The following SLC25A21 variants were observed in gnomAD, a reference collection of about 807,000 sequenced individuals.
SLC25A21 encodes mitochondrial 2-oxodicarboxylate carrier.
In SLC25A21, 47 loss-of-function variants were observed where a neutral mutation model predicts 43.8. That is an observed-to-expected ratio of 1.07 (90% CI 0.85 to 1.37). The LOEUF (loss-of-function observed/expected upper bound fraction) is 1.37. SLC25A21 is among the 40% of genes most tolerant of loss of function. SLC25A21 has a pLI of 0.00. For synonymous variants in SLC25A21, 131 were observed against 121.3 expected (o/e 1.08, Z -0.52); for missense variants, 352 against 350.2 (o/e 1.00, Z -0.04).
intron 3 of SLC25A21, among the ~76,000 whole-genome samples, chr14:36,812,754 G>T (rs1467767497): frequency 1.3e-5 from 2 of 152,084 alleles, no homozygotes; most frequent in Non-Finnish European, 2.9e-5. Flanking sequence ...GGCAAGACAG[G>T]TAGTGATCTA....
intron 1 of SLC25A21, among the ~76,000 whole-genome samples, chr14:36,875,468 A>C (rs545120180): frequency 6.6e-6 from 1 of 152,264 alleles, no homozygotes; most frequent in African/African-American, 2.4e-5. Flanking sequence ...AAAGAAAATG[A>C]TGCCTCTTCT....
chr14:36,810,883 A>AAGAG (rs1485604099), intron 3 of SLC25A21, among the ~76,000 whole-genome samples: 1 of 94,150 alleles, frequency 1.1e-5, no homozygotes, highest in African/African-American at 3.3e-5. Context: ...AGAGAAAGAA[A>AAGAG]AGAGTGGGGG....
At chr14:36,841,555 C>G (rs959889200) in intron 2 of SLC25A21, among the ~76,000 whole-genome samples, 4 of 152,160 alleles carry the variant, frequency 2.6e-5, no homozygotes, top group Admixed American at 6.5e-5. Flanking sequence ...TTGACATTTC[C>G]TCTCCACTTT....
At chr14:36,907,948 T>G (rs1397953294) in intron 1 of SLC25A21, among the ~76,000 whole-genome samples, 1 of 152,176 alleles carries the variant, frequency 6.6e-6, no homozygotes, top group Non-Finnish European at 1.5e-5. Flanking sequence ...CACTTTGTAA[T>G]TGCACAGGAC....
rs1408465551 is a variant in SLC25A21, at chr14:37,098,805, A to T, written c.70+73476T>A. Among the ~76,000 whole-genome samples the T allele has an allele frequency of 3.2e-4, 41 of 129,544 alleles. 2 individuals carry two copies. The highest frequency in any genetic ancestry group is 2.5e-3 in the Admixed American group (34 of 13,840). The allele number at this position is 129,544 out of a possible 152,430, so 85.0% of individuals were successfully genotyped here. On this transcript the variant is annotated intron_variant, in intron 1 of 9. Transcript: ENST00000331299. ...GACAGACAGATAGATAGATAGATAG[A>T]TTTTTTTTTTTTTTTGAGACAAAGT...
At chr14:37,060,012 T>A (rs1428977604) in intron 1 of SLC25A21, among the ~76,000 whole-genome samples, 1 of 152,038 alleles carries the variant, frequency 6.6e-6, no homozygotes, top group African/African-American at 2.4e-5. Context: ...ATAAGAGAAA[T>A]ATTTCATTTC....
In SLC25A21 at chr14:37,149,038, T is replaced by C. The variant is rs549763505; in HGVS notation, c.70+23243A>G. Among the ~76,000 whole-genome samples, 130 of 152,300 alleles carry C rather than the reference T, an allele frequency of 8.5e-4. 1 individual carries two copies. Among genetic ancestry groups the C allele is most frequent in the Non-Finnish European group, 1.5e-3 (101 of 68,026 alleles). ...TCCCCACTTTGGCCTCCCTAAATGC[T>C]GGAATTACAGGCGTGAGCTATCTGT... is the stretch of plus-strand genomic sequence containing the variant. On this transcript the variant is annotated intron_variant, in intron 1 of 9. Transcript: ENST00000331299.
chr14:37,044,303 T>C (rs957564797), intron 1 of SLC25A21, among the ~76,000 whole-genome samples: 5 of 152,158 alleles, frequency 3.3e-5, no homozygotes, highest in Non-Finnish European at 5.9e-5. Context: ...CTTATAATCT[T>C]AGGTTACCAA....
intron 1 of SLC25A21, among the ~76,000 whole-genome samples, chr14:36,915,028 T>C (rs1375042168): frequency 6.6e-6 from 1 of 151,738 alleles, no homozygotes; most frequent in Non-Finnish European, 1.5e-5. Context: ...AACTTACTAT[T>C]TTTTTTTACC....
intron 1 of SLC25A21, among the ~76,000 whole-genome samples, chr14:36,889,887 T>A (rs1375653224): frequency 6.6e-6 from 1 of 152,184 alleles, no homozygotes; most frequent in East Asian, 1.9e-4. Flanking sequence ...AACAAGCACC[T>A]TGGGATGCTT....
chr14:36,953,942 G>A (rs1470596707), intron 1 of SLC25A21, among the ~76,000 whole-genome samples: 2 of 152,118 alleles, frequency 1.3e-5, no homozygotes, highest in Non-Finnish European at 2.9e-5. Flanking sequence ...CTGCCTACTG[G>A]ACATCTTCAC....
At chr14:37,133,664 C>A (rs1238721841) in intron 1 of SLC25A21, among the ~76,000 whole-genome samples, 2 of 151,950 alleles carry the variant, frequency 1.3e-5, no homozygotes, top group Admixed American at 6.6e-5. Context: ...CCTAACCCAC[C>A]TCTATAACTC....
intron 3 of SLC25A21, among the ~76,000 whole-genome samples, chr14:36,755,504 G>A (rs954858776): frequency 6.6e-6 from 1 of 151,998 alleles, no homozygotes; most frequent in Non-Finnish European, 1.5e-5. Flanking sequence ...ACTCCCATGG[G>A]GCATGGCAAT....
intron 1 of SLC25A21, among the ~76,000 whole-genome samples, chr14:37,122,754 C>T (rs1963231575): frequency 6.6e-6 from 1 of 152,192 alleles, no homozygotes; most frequent in South Asian, 2.1e-4. Flanking sequence ...TCCTCCTTCC[C>T]TCTTCCATGA....
At chr14:36,806,114 CAGG>C (rs1468396970) in intron 3 of SLC25A21, among the ~76,000 whole-genome samples, 2 of 96,006 alleles carry the variant, frequency 2.1e-5, no homozygotes, top group Non-Finnish European at 3.8e-5. Flanking sequence ...TACTCTGAGG[CAGG>C]AGAATTGCTT....
intron 2 of SLC25A21, 64 bp downstream of exon 2, chr14:36,874,892 C>G: frequency 7.1e-7 from 1 of 1,399,026 alleles, no homozygotes; most frequent in Non-Finnish European, 1.0e-6. Flanking sequence ...GCATTTAGTG[C>G]TCTGACAGAT....
chr14:37,031,506 C>A (rs1056923375), intron 1 of SLC25A21, among the ~76,000 whole-genome samples: 1 of 152,158 alleles, frequency 6.6e-6, no homozygotes, highest in African/African-American at 2.4e-5. Flanking sequence ...CTTTAGGGAA[C>A]TATTTGTTCC....
At chr14:36,753,155 T>C (rs909927750) in intron 3 of SLC25A21, among the ~76,000 whole-genome samples, 4 of 152,102 alleles carry the variant, frequency 2.6e-5, no homozygotes, top group African/African-American at 7.2e-5. Flanking sequence ...ACGGTGATGG[T>C]TGCACAACAG....
intron 1 of SLC25A21, among the ~76,000 whole-genome samples, chr14:37,149,807 C>T (rs1963728021): frequency 6.6e-6 from 1 of 152,028 alleles, no homozygotes; most frequent in South Asian, 2.1e-4. Context: ...AATCCCTTAG[C>T]TGTATACATT....
Sources: gnomAD v4.1 joint callset for allele counts (sites outside exome capture counted in the v4.1 genomes callset) on GRCh38, gnomAD v4.1.1 for gene constraint, MANE v1.5 for transcripts, NCBI Gene and HGNC (gene_info 2026-07-23, HGNC 2026-07-21) for gene names.